The following TMEM64 variants were observed in gnomAD, a reference collection of about 807,000 sequenced individuals.
The protein encoded by TMEM64 is transmembrane protein 64.
A neutral mutation model predicts 24.5 loss-of-function variants in TMEM64; 19 were observed. The ratio of observed to expected loss-of-function variants is 0.78; its 90% confidence interval spans 0.54 to 1.14. The LOEUF (loss-of-function observed/expected upper bound fraction) is 1.14. Ranked by LOEUF, TMEM64 falls within the 50% of genes most tolerant of loss-of-function variation. The pLI, the probability that TMEM64 is intolerant of heterozygous loss-of-function variation, is 0.00. For synonymous variants in TMEM64, 262 were observed against 224.7 expected, an observed-to-expected ratio of 1.17 and a Z score of -1.49; for missense variants, 487 against 493.0, an observed-to-expected ratio of 0.99 and a Z score of 0.12.
chr8:90,645,278 G>A lies in TMEM64; in HGVS notation c.628C>T (p.His210Tyr). ...GTGAGGAGCCGCTTGCAGACCACAT[G>A]GGCGATGAAGGTGCCGATGAGGACG... ...VGVLIGTFIA[H>Y]VVCKRLLTAW... Residue 210 changes from histidine (H) to tyrosine (Y), a missense_variant, in exon 1 of 3, where the codon CAT (histidine) becomes TAT (tyrosine). Physicochemically the swap from His to Tyr is moderately conservative, Grantham distance 83. Around this residue, in one of 3 missense-constraint regions of TMEM64, gnomAD observed 419 missense variants for 407.5 expected, o/e 1.03. Coordinates refer to ENST00000458549, the MANE Select transcript of TMEM64 (RefSeq NM_001008495.4). The surrounding 1 kb of genome is among the most constrained non-coding windows in gnomAD (Gnocchi z 4.2). 1 of 1,605,848 alleles carries A rather than the reference G, an allele frequency of 6.2e-7. No individual in the cohort carries two copies. The highest frequency in any genetic ancestry group is 2.2e-5 in the East Asian group (1 of 44,524).
chr8:90,640,306 T>C (rs775023860), intron 1 of TMEM64, among the ~76,000 whole-genome samples: 44 of 152,322 alleles, frequency 2.9e-4, no homozygotes, highest in Middle Eastern at 6.8e-3. Context: ...TCTATGGCTC[T>C]ATCTACAGCA....
At chr8:90,634,634 A>G (rs1451001591) in intron 1 of TMEM64, among the ~76,000 whole-genome samples, 4 of 152,320 alleles carry the variant, frequency 2.6e-5, no homozygotes, top group Admixed American at 2.6e-4. Context: ...AATTACTCAA[A>G]ATCTTCTTTT....
At chr8:90,627,425 T>C (rs1168366606) in intron 2 of TMEM64, among the ~76,000 whole-genome samples, 1 of 113,064 alleles carries the variant, frequency 8.8e-6, no homozygotes, top group Non-Finnish European at 1.6e-5. Flanking sequence ...TTGCTATGTA[T>C]CAACAAATGG....
intron 1 of TMEM64, among the ~76,000 whole-genome samples, chr8:90,634,215 C>T (rs28442149): frequency 0.068 from 10,372 of 152,076 alleles, 1,135 homozygotes; most frequent in African/African-American, 0.23. Flanking sequence ...CATTAGATAC[C>T]AAATAATCAA....
chr8:90,627,903 G>A (rs1809382031), intron 2 of TMEM64, among the ~76,000 whole-genome samples: 1 of 152,176 alleles, frequency 6.6e-6, no homozygotes, highest in Admixed American at 6.5e-5. Context: ...CAAGCTAGAT[G>A]AGAAATGGAA....
intron 1 of TMEM64, among the ~76,000 whole-genome samples, chr8:90,636,609 C>T (rs1403767991): frequency 6.6e-6 from 1 of 152,174 alleles, no homozygotes; most frequent in Non-Finnish European, 1.5e-5. Flanking sequence ...CTCCATCTAG[C>T]TCAGTCTTTG....
chr8:90,630,340 T>A (rs55788667), intron 2 of TMEM64, among the ~76,000 whole-genome samples: 1,530 of 152,310 alleles, frequency 0.01, 13 homozygotes, highest in Non-Finnish European at 0.017. Context: ...TTATTTTTAA[T>A]TTTTTTCCCA....
rs781194303 is a variant in TMEM64 at position 90,631,704 on chromosome 8, T to C, written c.799A>G (p.Thr267Ala). ...AGATAGTTGGGTAATGAGAGATCAG[T>C]AATCTAGAAGAGTAGATTAAAGGGA... ...FGLQNAVFSI[T>A]DLSLPNYLMA... The change falls in exon 2 of 3, where the codon ACT becomes GCT. Residue 267 changes from threonine to alanine, a missense_variant. Physicochemically the swap from Thr to Ala is moderately conservative, Grantham distance 58. Coordinates refer to ENST00000458549, the MANE Select transcript of TMEM64 (RefSeq NM_001008495.4). 5 of 1,611,858 alleles carry C rather than the reference T, an allele frequency of 3.1e-6. No homozygotes were observed. The South Asian group carries it at 4.4e-5, about 14-fold the overall frequency.
Position 90,645,339 on chromosome 8 carries a change from G to A in TMEM64, c.567C>T (p.Tyr189=), listed in dbSNP as rs1459407150. The A allele has an allele frequency of 1.3e-6, 2 of 1,557,360 alleles. No individual in the cohort carries two copies. Among genetic ancestry groups the A allele is most frequent in the Non-Finnish European group, 1.7e-6 (2 of 1,150,254 alleles). The change falls in exon 1 of 3, where the codon TAC becomes TAT. Residue 189 remains tyrosine (Y), a synonymous_variant. Transcript: ENST00000458549. The surrounding 1 kb of genome is among the most constrained non-coding windows in gnomAD (Gnocchi z 4.2). ...IVLNVAAGYL[Y]GFVLGMGLMM... Reference sequence around the variant, plus strand: ...TCAGACCCATGCCCAGCACGAAGCCGTACAGGTAGCCAGCGGCCACGTTGA... The same window carrying A: ...TCAGACCCATGCCCAGCACGAAGCCATACAGGTAGCCAGCGGCCACGTTGA...
At position 90,645,971 on chromosome 8, in the gene TMEM64, C is replaced by A; in HGVS notation, c.-66G>T. On this transcript the variant is annotated 5_prime_UTR_variant, in exon 1 of 3. Coordinates refer to ENST00000458549, the MANE Select transcript of TMEM64 (RefSeq NM_001008495.4). The surrounding 1 kb of genome is among the most constrained non-coding windows in gnomAD (Gnocchi z 4.2). ...GCCGCGGCGCCCGTTAGGCAGCTGC[C>A]CTTCATGGCGCCCGGTTCGCCCGGC... is the stretch of plus-strand genomic sequence containing the variant. 2 of 911,844 alleles carry A rather than the reference C, an allele frequency of 2.2e-6. No individual in the cohort carries two copies. The highest frequency in any genetic ancestry group is 2.7e-6 in the Non-Finnish European group (2 of 737,084). 56.5% of individuals were successfully genotyped at this position (911,844 alleles called of 1,614,324 possible). A position where few individuals can be genotyped will look rare whatever the true frequency, so the allele number is the denominator to read the frequency against.
Position 90,623,385 on chromosome 8 carries a change from G to A in TMEM64, c.*2286C>T, listed in dbSNP as rs1011148265. On this transcript the variant is annotated 3_prime_UTR_variant, in exon 3 of 3. Coordinates refer to ENST00000458549, the MANE Select transcript of TMEM64 (RefSeq NM_001008495.4). ...AATAAGGCATGACAATGCTTTGCAC[G>A]ATTTATTGTGAGTGCAACTTAAAAA... The A allele has an allele frequency of 2.6e-5, 4 of 152,270 alleles. No homozygotes were observed. The highest frequency in any genetic ancestry group is 4.4e-5 in the Non-Finnish European group (3 of 67,980). The allele number at this position is 152,270 out of a possible 1,614,324, so 9.4% of individuals were successfully genotyped here.
chr8:90,641,155 G>C (rs1321212756), intron 1 of TMEM64, among the ~76,000 whole-genome samples: 1 of 152,090 alleles, frequency 6.6e-6, no homozygotes, highest in Non-Finnish European at 1.5e-5. Context: ...GGCAGAAGTT[G>C]GCAAACTTTT....
Position 90,625,561 on chromosome 8 carries a change from G to A in TMEM64, c.*110C>T. The A allele has an allele frequency of 2.2e-6, 2 of 891,512 alleles. No individual in the cohort carries two copies. Among genetic ancestry groups the A allele is most frequent in the Non-Finnish European group, 3.3e-6 (2 of 604,646 alleles). 55.2% of individuals were successfully genotyped at this position (891,512 alleles called of 1,614,324 possible). A position where few individuals can be genotyped will look rare whatever the true frequency, so the allele number is the denominator to read the frequency against. ...AATTGTGCAATTTAAAAACTAGTCA[G>A]TTTTGTTTGTGCTGTAATACAATTA... On this transcript the variant is annotated 3_prime_UTR_variant, in exon 3 of 3. Transcript: ENST00000458549.
intron 2 of TMEM64, among the ~76,000 whole-genome samples, chr8:90,627,059 T>A (rs1264030736): frequency 6.6e-6 from 1 of 152,158 alleles, no homozygotes; most frequent in Non-Finnish European, 1.5e-5. Context: ...TGTTATTTAA[T>A]GTCCCAGCAA....
intron 1 of TMEM64, among the ~76,000 whole-genome samples, chr8:90,641,883 T>C (rs1809610107): frequency 6.6e-6 from 1 of 152,210 alleles, no homozygotes; most frequent in South Asian, 2.1e-4. Flanking sequence ...AAACTATATA[T>C]TTTATCACAG....
intron 2 of TMEM64, among the ~76,000 whole-genome samples, chr8:90,628,095 T>C (rs945219455): frequency 1.3e-5 from 2 of 152,200 alleles, no homozygotes; most frequent in Non-Finnish European, 2.9e-5. Flanking sequence ...CTTCCCCATC[T>C]TCCTTAGCTG....
chr8:90,625,561 G>T lies in TMEM64; in HGVS notation c.*110C>A. On this transcript the variant is annotated 3_prime_UTR_variant, in exon 3 of 3. Transcript: ENST00000458549. Reference sequence around the variant, plus strand: ...AATTGTGCAATTTAAAAACTAGTCAGTTTTGTTTGTGCTGTAATACAATTA... The same window carrying T: ...AATTGTGCAATTTAAAAACTAGTCATTTTTGTTTGTGCTGTAATACAATTA... The T allele has an allele frequency of 1.1e-6, 1 of 891,496 alleles. No individual in the cohort carries two copies. Among genetic ancestry groups the T allele is most frequent in the Non-Finnish European group, 1.7e-6 (1 of 604,634 alleles). The allele number at this position is 891,496 out of a possible 1,614,324, so 55.2% of individuals were successfully genotyped here.
At chr8:90,627,752 A>G (rs1427556586) in intron 2 of TMEM64, among the ~76,000 whole-genome samples, 1 of 152,212 alleles carries the variant, frequency 6.6e-6, no homozygotes, top group Non-Finnish European at 1.5e-5. Flanking sequence ...TCAAAAACAC[A>G]GATATAAGGG....
intron 2 of TMEM64, among the ~76,000 whole-genome samples, chr8:90,626,625 CTTTCTTTT>C (rs1435235295): frequency 1.8e-5 from 2 of 112,524 alleles, no homozygotes; most frequent in African/African-American, 8.7e-5. Context: ...CTTTTTTTTT[CTTTCTTTT>C]TTTTTTTTTT....
Sources: gnomAD v4.1 joint callset for allele counts (sites outside exome capture counted in the v4.1 genomes callset) on GRCh38, gnomAD v4.1.1 for gene constraint, gnomAD v4.1.1 regional missense constraint, Gnocchi (gnomAD v3.1) non-coding constraint, MANE v1.5 for transcripts, NCBI Gene and HGNC (gene_info 2026-07-23, HGNC 2026-07-21) for gene names.